STRA6: variants seen among roughly 807,000 people sequenced by gnomAD.
STRA6 encodes the protein receptor for retinol uptake STRA6.
In STRA6, 48 loss-of-function variants were observed where a neutral mutation model predicts 83.6. That is an observed-to-expected ratio of 0.57 (90% CI 0.46 to 0.73). STRA6 has a LOEUF of 0.73. Among genes scored for constraint, STRA6 ranks in the 30% least tolerant of loss-of-function variants. The pLI, the probability that STRA6 is intolerant of heterozygous loss-of-function variation, is 0.00. For synonymous variants in STRA6, 353 were observed against 362.3 expected, an observed-to-expected ratio of 0.97 and a Z score of 0.29; for missense variants, 760 against 838.8, an observed-to-expected ratio of 0.91 and a Z score of 1.16.
rs397514639 is a variant in STRA6, at chr15:74,180,120, C to T, written c.1964G>A (p.Arg655His). ...ATTGGCACCCAACAGGGCCGTCTTG[C>T]GGAAGACCTGCAGGGTTGGGTTGTG... is the stretch of plus-strand genomic sequence containing the variant. ...LLHNPTLQVFRKTALLGANGA... is the reference protein window; with the variant it reads ...LLHNPTLQVFHKTALLGANGA... Residue 655 changes from arginine (R) to histidine (H), a missense_variant, in exon 19 of 19, where the codon CGC (arginine) becomes CAC (histidine). By Grantham distance (29) the Arg-to-His change is conservative. Transcript: ENST00000395105. 23 of 1,613,558 alleles carry T rather than the reference C, an allele frequency of 1.4e-5. No individual in the cohort carries two copies. Among genetic ancestry groups the T allele is most frequent in the Non-Finnish European group, 1.6e-5 (19 of 1,179,720 alleles).
chr15:74,203,121 G>A, upstream of STRA6: 1 of 985,586 alleles, frequency 1.0e-6, no homozygotes, highest in Non-Finnish European at 1.2e-6. Flanking sequence ...GCTGGGGCTG[G>A]GCTGGGGCGG....
At chr15:74,185,867 G>A (rs2073222192) in intron 12 of STRA6, among the ~76,000 whole-genome samples, 1 of 152,242 alleles carries the variant, frequency 6.6e-6, no homozygotes, top group African/African-American at 2.4e-5. Context: ...AGTGAGGTGT[G>A]TAACCATTTC....
chr15:74,199,289 A>C (rs957926744), intron 2 of STRA6, among the ~76,000 whole-genome samples: 14 of 152,208 alleles, frequency 9.2e-5, no homozygotes, highest in African/African-American at 3.1e-4. Flanking sequence ...CCAGCGGGTG[A>C]GCGGTGGGAA....
At chr15:74,211,694 G>A (rs2074370546), upstream of STRA6, among the ~76,000 whole-genome samples, 1 of 151,896 alleles carries the variant, frequency 6.6e-6, no homozygotes, top group African/African-American at 2.4e-5. Context: ...ATGAGTCACG[G>A]TGCTCAGCCC....
chr15:74,207,679 G>T (rs1296855588), upstream of STRA6: 8 of 1,533,578 alleles, frequency 5.2e-6, no homozygotes, highest in African/African-American at 1.4e-5. Context: ...GGAGTGGGGG[G>T]ATGGCCACTG....
At chr15:74,204,442 C>A (rs2074209821), upstream of STRA6, among the ~76,000 whole-genome samples, 1 of 152,210 alleles carries the variant, frequency 6.6e-6, no homozygotes, top group South Asian at 2.1e-4. Context: ...AGCTGGGCTT[C>A]CCAGAGTCCC....
upstream of STRA6, chr15:74,209,496 A>G: frequency 6.7e-7 from 1 of 1,492,106 alleles, no homozygotes; most frequent in Non-Finnish European, 9.0e-7. Context: ...GACCACAGCT[A>G]AGGGGAGTCA....
rs2074099468 is a variant in STRA6 at position 74,202,176 on chromosome 15, C to T, written c.92G>A (p.Gly31Asp). Residue 31 changes from glycine to aspartate, a missense_variant, in exon 2 of 19, where the codon GGC becomes GAC. Gly to Asp is a moderately conservative substitution (Grantham distance 94). Transcript: ENST00000395105. ...GSWYIDEPQG[G>D]EELQPEGEVP... ...TTACCCCTCTGGCTGGAGCTCCTCG[C>T]CCCCCTGGGGCTCATCGATGTACCA... 2 of 1,506,190 alleles carry T rather than the reference C, an allele frequency of 1.3e-6. No homozygotes were observed. The highest frequency in any genetic ancestry group is 1.8e-6 in the Non-Finnish European group (2 of 1,129,838). 93.3% of individuals were successfully genotyped at this position (1,506,190 alleles called of 1,614,324 possible). A position where few individuals can be genotyped will look rare whatever the true frequency, so the allele number is the denominator to read the frequency against.
At chr15:74,211,153 GCACACACACA>G (rs71137380), upstream of STRA6, among the ~76,000 whole-genome samples, 51 of 148,792 alleles carry the variant, frequency 3.4e-4, no homozygotes, top group Non-Finnish European at 4.6e-4. Context: ...GCACGCACAC[GCACACACACA>G]CACACACACA....
In STRA6 at chr15:74,194,121, T is replaced by C. The variant is rs79916002; in HGVS notation, c.598-199A>G. Among the ~76,000 whole-genome samples, 2,810 of 152,146 alleles carry C rather than the reference T, an allele frequency of 0.018. 33 individuals carry two copies. Among genetic ancestry groups the C allele is most frequent in the East Asian group, 0.054 (281 of 5,156 alleles). ...CCCTTCTCGAGCCCTGCAGAGATGC[T>C]CACCCCTCCCCCAGGCTCCTGGATC... On this transcript the variant is annotated intron_variant, in intron 7 of 18. Coordinates refer to ENST00000395105, the MANE Select transcript of STRA6 (RefSeq NM_022369.4).
intron 12 of STRA6, among the ~76,000 whole-genome samples, chr15:74,186,388 A>G (rs1438364555): frequency 6.6e-6 from 1 of 152,242 alleles, no homozygotes; most frequent in African/African-American, 2.4e-5. Context: ...GCGGTGGATC[A>G]CCTGGGGTCA....
At chr15:74,189,068 G>A (rs199974959) in intron 12 of STRA6, 47 bp downstream of exon 12, 158 of 1,609,640 alleles carry the variant, frequency 9.8e-5, no homozygotes, top group African/African-American at 5.3e-4. Context: ...GGGTCTCCCC[G>A]CTTTCATTCC....
Position 74,188,833 on chromosome 15 carries a change from C to T in STRA6, c.1090+282G>A, listed in dbSNP as rs1396517960. On this transcript the variant is annotated intron_variant, in intron 12 of 18. Transcript: ENST00000395105. This position sits in a 1 kb window ranked among gnomAD's most constrained non-coding sequence, Gnocchi z 4.5. ...CCCATCCCATGGCCTTCCTCATCTC[C>T]ATGCCTGGATAGTTGGTCAGAGACA... Among the ~76,000 whole-genome samples, 2 of 152,162 alleles carry T rather than the reference C, an allele frequency of 1.3e-5. No individual in the cohort carries two copies. Among genetic ancestry groups the T allele is most frequent in the East Asian group, 3.9e-4 (2 of 5,188 alleles).
At chr15:74,207,563 C>G (rs1191473002), upstream of STRA6, 1 of 857,786 alleles carries the variant, frequency 1.2e-6, no homozygotes, top group African/African-American at 1.7e-5. Context: ...CATCTCAGCC[C>G]TTGACTCTGA....
At position 74,202,775 on chromosome 15, in the gene STRA6, C is replaced by T. The variant is rs1299701291; in HGVS notation, c.-78G>A. Reference sequence around the variant, plus strand: ...GAAAGGGTAGGCAGCCCACGGCCAGCTCCGCACTGCCTGCCTGGGCCCTCC... The same window carrying T: ...GAAAGGGTAGGCAGCCCACGGCCAGTTCCGCACTGCCTGCCTGGGCCCTCC... On this transcript the variant is annotated 5_prime_UTR_variant, in exon 1 of 19. Transcript: ENST00000395105. The T allele has an allele frequency of 8.6e-7, 1 of 1,164,612 alleles. No individual in the cohort carries two copies. The highest frequency in any genetic ancestry group is 1.6e-5 in the African/African-American group (1 of 62,862). The allele number at this position is 1,164,612 out of a possible 1,614,324, so 72.1% of individuals were successfully genotyped here.
At chr15:74,185,758 G>T (rs73431467) in intron 12 of STRA6, among the ~76,000 whole-genome samples, 1 of 152,226 alleles carries the variant, frequency 6.6e-6, no homozygotes, top group Non-Finnish European at 1.5e-5. Flanking sequence ...CAGCAACCCC[G>T]CAAGGTTAGA....
intron 18 of STRA6, 126 bp downstream of exon 18, chr15:74,180,656 G>A (rs890030718): frequency 1.4e-6 from 2 of 1,382,374 alleles, no homozygotes; most frequent in African/African-American, 2.9e-5. Context: ...GTGACCAAAG[G>A]CAGCCAAGGA....
At chr15:74,183,495 C>T (rs2073091812) in intron 14 of STRA6, 2 of 1,156,246 alleles carry the variant, frequency 1.7e-6, no homozygotes, top group Admixed American at 3.9e-5. Context: ...CCACCTGCCT[C>T]AGCCTCCCAA....
At chr15:74,189,312 G>A (rs371359540) in intron 11 of STRA6, 35 bp from the exon 12 acceptor site, 277 of 1,564,906 alleles carry the variant, frequency 1.8e-4, no homozygotes, top group African/African-American at 9.3e-4. Flanking sequence ...CCCATCCCAG[G>A]AAAGGGTTTT....
Sources: allele counts gnomAD v4.1 joint callset (sites outside exome capture counted in the v4.1 genomes callset), GRCh38; gene constraint gnomAD v4.1.1; non-coding constraint Gnocchi (gnomAD v3.1); transcripts MANE v1.5; gene names NCBI Gene and HGNC (gene_info 2026-07-23, HGNC 2026-07-21).